The following UBR2 variants were observed in gnomAD, a reference collection of about 807,000 sequenced individuals.
UBR2 encodes the protein ubiquitin protein ligase E3 component n-recognin 2, also known as E3 ubiquitin-protein ligase UBR2.
A neutral mutation model predicts 247.9 loss-of-function variants in UBR2; 92 were observed. The ratio of observed to expected loss-of-function variants is 0.37; its 90% confidence interval spans 0.31 to 0.44. The LOEUF is 0.44. UBR2 is among the 20% of genes least tolerant of loss of function. UBR2 has a pLI of 1.00. For synonymous variants in UBR2, 672 were observed against 693.5 expected, an observed-to-expected ratio of 0.97 and a Z score of 0.49; for missense variants, 1,613 against 2,112.6, an observed-to-expected ratio of 0.76 and a Z score of 4.64.
In UBR2 at chr6:42,652,007, C is replaced by CT; in HGVS notation, c.2566-13dup. The CT allele has an allele frequency of 6.3e-7, 1 of 1,580,786 alleles. No homozygotes were observed. The highest frequency in any genetic ancestry group is 8.6e-7 in the Non-Finnish European group (1 of 1,168,314). ...CATTACTAATTCCCGGTCCAAATAA[C>CT]TTTATTTTTTATTAGGCAGAAGAAG... is the stretch of plus-strand genomic sequence containing the variant. On this transcript the variant is annotated splice_polypyrimidine_tract_variant and intron_variant, in intron 23 of 46. Transcript: ENST00000372901.
chr6:42,605,652 C>T (rs955993584), intron 5 of UBR2, 69 bp from the exon 6 acceptor site: 7 of 1,463,856 alleles, frequency 4.8e-6, no homozygotes, highest in African/African-American at 1.4e-5. Flanking sequence ...AAAGTAGTCT[C>T]TTAATAAGTC....
Position 42,594,180 on chromosome 6 carries a change from T to G in UBR2, c.418-11T>G. Reference sequence around the variant, plus strand: ...ATTTATTGACAAGATACTTTACAATTTTTTTCCAAGATGACAACATCAGGA... The same window carrying G: ...ATTTATTGACAAGATACTTTACAATGTTTTTCCAAGATGACAACATCAGGA... On this transcript the variant is annotated splice_polypyrimidine_tract_variant and intron_variant, in intron 3 of 46. Coordinates refer to ENST00000372901, the MANE Select transcript of UBR2 (RefSeq NM_001363705.2). 6.2e-7 allele frequency: 1 copy of G among 1,604,518 alleles called. No individual in the cohort carries two copies. Among genetic ancestry groups the G allele is most frequent in the East Asian group, 2.2e-5 (1 of 44,782 alleles).
intron 30 of UBR2, 116 bp from the exon 31 acceptor site, chr6:42,662,068 A>G (rs2151976080): frequency 9.5e-6 from 6 of 633,476 alleles, no homozygotes; most frequent in Non-Finnish European, 1.6e-5. Context: ...ATAAACTAGC[A>G]TTTCATTTCA....
intron 5 of UBR2, 120 bp downstream of exon 5, chr6:42,603,838 T>C (rs1380576100): frequency 9.7e-7 from 1 of 1,033,176 alleles, no homozygotes; most frequent in Non-Finnish European, 1.4e-6. Flanking sequence ...ATAACCTCAA[T>C]TTTATAGTTT....
At chr6:42,668,378 G>A (rs963367658) in intron 34 of UBR2, among the ~76,000 whole-genome samples, 4 of 152,048 alleles carry the variant, frequency 2.6e-5, no homozygotes, top group African/African-American at 9.7e-5. Context: ...GATTTTGAAG[G>A]CATTATTTTA....
chr6:42,646,870 G>A (rs917376254), intron 21 of UBR2, among the ~76,000 whole-genome samples: 1 of 151,780 alleles, frequency 6.6e-6, no homozygotes, highest in African/African-American at 2.4e-5. Flanking sequence ...CACCCAGGCT[G>A]GAGTACAATG....
At chr6:42,592,566 T>G (rs1451810256) in intron 3 of UBR2, among the ~76,000 whole-genome samples, 1 of 152,208 alleles carries the variant, frequency 6.6e-6, no homozygotes, top group Non-Finnish European at 1.5e-5. Flanking sequence ...ACCCACCAGT[T>G]TAGTATTTTT....
chr6:42,632,751 T>C, intron 12 of UBR2, 36 bp downstream of exon 12: 1 of 1,591,868 alleles, frequency 6.3e-7, no homozygotes. Context: ...CAGTTGCAAT[T>C]TATAGAAAGT....
intron 21 of UBR2, 40 bp downstream of exon 21, chr6:42,645,630 T>C (rs1434259905): frequency 1.3e-6 from 2 of 1,598,346 alleles, no homozygotes; most frequent in Non-Finnish European, 1.7e-6. Flanking sequence ...CATAGAAACT[T>C]TTCCCTGCCT....
intron 23 of UBR2, among the ~76,000 whole-genome samples, chr6:42,650,837 A>G (rs76388076): frequency 0.021 from 3,216 of 152,256 alleles, 45 homozygotes; most frequent in Non-Finnish European, 0.032. Flanking sequence ...TTCAACCTGT[A>G]TTATAATCAG....
Position 42,635,407 on chromosome 6 carries a change from C to T in UBR2, c.1546-11C>T, listed in dbSNP as rs1293134169. ...TTTTCATTCATATATAATTTTTTCA[C>T]TTCCGTTAAGGGAATGGATCCAATT... is the stretch of plus-strand genomic sequence containing the variant. On this transcript the variant is annotated splice_polypyrimidine_tract_variant and intron_variant, in intron 13 of 46. Transcript: ENST00000372901. The T allele has an allele frequency of 1.2e-6, 2 of 1,611,124 alleles. No homozygotes were observed. Among genetic ancestry groups the T allele is most frequent in the Non-Finnish European group, 1.7e-6 (2 of 1,178,702 alleles).
chr6:42,620,123 CT>C, intron 11 of UBR2: 6 of 666,448 alleles, frequency 9.0e-6, no homozygotes, highest in Non-Finnish European at 1.1e-5. Flanking sequence ...CCAATTCATG[CT>C]TCTGTTAATA....
chr6:42,676,719 CTTCAGTCCT>C, intron 39 of UBR2, 55 bp from the exon 40 acceptor site: 1 of 1,262,868 alleles, frequency 7.9e-7, no homozygotes. Flanking sequence ...TGCTTAATGT[CTTCAGTCCT>C]TTTGATAACA....
At chr6:42,623,541 T>G (rs1795139707) in intron 11 of UBR2, among the ~76,000 whole-genome samples, 1 of 152,156 alleles carries the variant, frequency 6.6e-6, no homozygotes, top group Non-Finnish European at 1.5e-5. Context: ...AACCTCCGCC[T>G]TCCGGGTTCA....
rs1185782985 is a variant in UBR2, at chr6:42,659,124, A to G, written c.3242+300A>G. ...TGACATCTGTGTTGAAGATTAGATT[A>G]CTGTGAGGATTAAAGGAGATGGTTT... On this transcript the variant is annotated intron_variant, in intron 29 of 46. Coordinates refer to ENST00000372901, the MANE Select transcript of UBR2 (RefSeq NM_001363705.2). This position sits in a 1 kb window ranked among gnomAD's most constrained non-coding sequence, Gnocchi z 4.3. Among the ~76,000 whole-genome samples the G allele has an allele frequency of 1.3e-5, 2 of 152,146 alleles. No homozygotes were observed. Among genetic ancestry groups the G allele is most frequent in the Admixed American group, 6.5e-5 (1 of 15,268 alleles).
intron 18 of UBR2, 108 bp downstream of exon 18, chr6:42,642,589 C>T: frequency 1.2e-6 from 1 of 839,876 alleles, no homozygotes; most frequent in Non-Finnish European, 1.9e-6. Context: ...CAACTCCAGC[C>T]TAGCCCTGTC....
chr6:42,622,438 G>C (rs574987372), intron 11 of UBR2, among the ~76,000 whole-genome samples: 2 of 147,136 alleles, frequency 1.4e-5, no homozygotes, highest in Non-Finnish European at 3.0e-5. Flanking sequence ...ACCTCACTCT[G>C]TTCCCCACGC....
intron 4 of UBR2, among the ~76,000 whole-genome samples, chr6:42,598,332 G>T (rs1228401670): frequency 6.6e-6 from 1 of 152,138 alleles, no homozygotes; most frequent in Non-Finnish European, 1.5e-5. Context: ...AAATTTTAAC[G>T]TAGTATTTGT....
intron 4 of UBR2, among the ~76,000 whole-genome samples, chr6:42,601,780 T>A (rs1793381307): frequency 6.6e-6 from 1 of 151,840 alleles, no homozygotes; most frequent in Admixed American, 6.6e-5. Context: ...TTGAAAAATC[T>A]GCTTCTTACT....
Sources: gnomAD v4.1 joint callset for allele counts (sites outside exome capture counted in the v4.1 genomes callset) on GRCh38, gnomAD v4.1.1 for gene constraint, Gnocchi (gnomAD v3.1) non-coding constraint, MANE v1.5 for transcripts, NCBI Gene and HGNC (gene_info 2026-07-23, HGNC 2026-07-21) for gene names.